Variants in SCD5 observed in about 807,000 individuals in gnomAD.
SCD5 encodes stearoyl-CoA desaturase 5.
In SCD5, 20 loss-of-function variants were observed where a neutral mutation model predicts 30.4. That is an observed-to-expected ratio of 0.66 (90% CI 0.46 to 0.96). SCD5 has a LOEUF of 0.96. Ranked by LOEUF, SCD5 falls within the 40% of genes least tolerant of loss-of-function variation. The probability of loss-of-function intolerance (pLI) is 0.00; values close to 1 mark genes in which losing one functional copy is unlikely to be tolerated. For synonymous variants in SCD5, 173 were observed against 176.4 expected, an observed-to-expected ratio of 0.98 and a Z score of 0.16; for missense variants, 381 against 443.3, an observed-to-expected ratio of 0.86 and a Z score of 1.26.
At chr4:82,639,689 A>G (rs1419195597) in intron 3 of SCD5, among the ~76,000 whole-genome samples, 1 of 152,202 alleles carries the variant, frequency 6.6e-6, no homozygotes, top group African/African-American at 2.4e-5. Context: ...GGAAAGGACT[A>G]TGGAGGGAAC....
At chr4:82,665,079 T>A (rs1376307038) in intron 3 of SCD5, among the ~76,000 whole-genome samples, 38,155 of 90,404 alleles carry the variant, frequency 0.42, 6,375 homozygotes, top group African/African-American at 0.57. Flanking sequence ...TATATATATT[T>A]TTTTTTTAAT....
chr4:82,686,852 G>T (rs1247011094), intron 2 of SCD5, among the ~76,000 whole-genome samples: 4 of 152,200 alleles, frequency 2.6e-5, no homozygotes, highest in Non-Finnish European at 5.9e-5. Context: ...GACCTAGAAA[G>T]ATGAAGGTAA....
chr4:82,777,864 G>A lies in SCD5; in HGVS notation c.232+20442C>T, dbSNP rs368792284. 2.2e-4 allele frequency among the ~76,000 whole-genome samples: 33 copies of A among 150,864 alleles called. No individual in the cohort carries two copies. The East Asian group carries it at 4.9e-3, about 22-fold the overall frequency. On this transcript the variant is annotated intron_variant, in intron 1 of 4. Transcript: ENST00000319540. Reference sequence around the variant, plus strand: ...AACTAAGCAATAAAGTCTCTTCACCGAGCAACACTCCCCCTTTGAAAGCTG... The same window carrying A: ...AACTAAGCAATAAAGTCTCTTCACCAAGCAACACTCCCCCTTTGAAAGCTG...
At chr4:82,743,961 G>A (rs962050263) in intron 1 of SCD5, among the ~76,000 whole-genome samples, 1 of 151,982 alleles carries the variant, frequency 6.6e-6, no homozygotes, top group Non-Finnish European at 1.5e-5. Context: ...GAGTAGCTGG[G>A]ACTACAGGCA....
intron 1 of SCD5, among the ~76,000 whole-genome samples, chr4:82,756,033 A>T (rs1379289378): frequency 6.6e-6 from 1 of 152,248 alleles, no homozygotes; most frequent in Non-Finnish European, 1.5e-5. Flanking sequence ...GTGTTGGTGT[A>T]GAGGCCCTGT....
chr4:82,680,325 T>C (rs761366229), intron 3 of SCD5, among the ~76,000 whole-genome samples: 5 of 152,144 alleles, frequency 3.3e-5, no homozygotes, highest in Non-Finnish European at 1.5e-5. Flanking sequence ...TTCAGTCCTT[T>C]TGGAGTCAAG....
At chr4:82,658,630 CTTTTT>C (rs57727794) in intron 3 of SCD5, among the ~76,000 whole-genome samples, 1 of 116,912 alleles carries the variant, frequency 8.6e-6, no homozygotes, top group African/African-American at 3.5e-5. Context: ...CCACACCTGG[CTTTTT>C]TTTTTTTTTT....
intron 3 of SCD5, among the ~76,000 whole-genome samples, chr4:82,637,737 A>G (rs1421604261): frequency 6.6e-6 from 1 of 152,230 alleles, no homozygotes; most frequent in African/African-American, 2.4e-5. Flanking sequence ...TAAGATGCAT[A>G]TGTATCAACT....
chr4:82,670,268 A>G (rs1169935209), intron 3 of SCD5, among the ~76,000 whole-genome samples: 7 of 152,218 alleles, frequency 4.6e-5, no homozygotes, highest in Admixed American at 4.6e-4. Flanking sequence ...CAGACACAGT[A>G]GGTAGCATGC....
chr4:82,684,449 T>C (rs1022519459), intron 2 of SCD5, among the ~76,000 whole-genome samples: 149 of 152,132 alleles, frequency 9.8e-4, no homozygotes, highest in African/African-American at 3.5e-3. Context: ...GAGCAAGATT[T>C]ATATGTTCAC....
At chr4:82,741,198 A>G (rs1720864818) in intron 1 of SCD5, among the ~76,000 whole-genome samples, 1 of 151,446 alleles carries the variant, frequency 6.6e-6, no homozygotes, top group Admixed American at 6.6e-5. Context: ...CTCAGCTCCC[A>G]AAGTGCTGGG....
intron 3 of SCD5, among the ~76,000 whole-genome samples, chr4:82,641,909 G>C (rs28683031): frequency 0.031 from 4,680 of 152,158 alleles, 272 homozygotes; most frequent in African/African-American, 0.11. Context: ...AGCCGATGTA[G>C]GGGAGAATGG....
chr4:82,722,336 A>T (rs1343561665), intron 1 of SCD5, among the ~76,000 whole-genome samples: 1 of 152,172 alleles, frequency 6.6e-6, no homozygotes, highest in East Asian at 1.9e-4. Flanking sequence ...CTCCTATGTC[A>T]GCACTAGAGT....
intron 1 of SCD5, among the ~76,000 whole-genome samples, chr4:82,736,791 T>C (rs897699465): frequency 2.6e-5 from 4 of 151,802 alleles, no homozygotes; most frequent in African/African-American, 7.3e-5. Flanking sequence ...ACCTCCTGAG[T>C]AGCTGGAACT....
At chr4:82,719,205 G>A (rs1355432294) in intron 1 of SCD5, among the ~76,000 whole-genome samples, 1 of 151,702 alleles carries the variant, frequency 6.6e-6, no homozygotes, top group African/African-American at 2.4e-5. Flanking sequence ...TTTCTTGCAT[G>A]GCAACTTTTT....
At chr4:82,744,424 T>C (rs185734570) in intron 1 of SCD5, among the ~76,000 whole-genome samples, 53 of 152,314 alleles carry the variant, frequency 3.5e-4, no homozygotes, top group South Asian at 1.0e-3. Context: ...TGCATTAAAG[T>C]TGGAAATAGG....
At chr4:82,798,278 G>T in intron 1 of SCD5, 28 bp downstream of exon 1, 1 of 1,540,932 alleles carries the variant, frequency 6.5e-7, no homozygotes, top group Non-Finnish European at 8.7e-7. Context: ...ACGGAGGCCG[G>T]GGCGCAGGGG....
chr4:82,686,648 C>T (rs531863371), intron 2 of SCD5, among the ~76,000 whole-genome samples: 2 of 151,874 alleles, frequency 1.3e-5, no homozygotes, highest in African/African-American at 4.8e-5. Context: ...TATACATATA[C>T]AATAAAAGCT....
At chr4:82,693,640 T>A (rs1283180253) in intron 2 of SCD5, among the ~76,000 whole-genome samples, 4 of 152,188 alleles carry the variant, frequency 2.6e-5, no homozygotes, top group African/African-American at 7.2e-5. Flanking sequence ...AAGGGCTCTG[T>A]GTTGGAACAC....
Sources: allele counts gnomAD v4.1 joint callset (sites outside exome capture counted in the v4.1 genomes callset), GRCh38; gene constraint gnomAD v4.1.1; transcripts MANE v1.5; gene names NCBI Gene and HGNC (gene_info 2026-07-23, HGNC 2026-07-21).